CFAP44: variants seen among roughly 807,000 people sequenced by gnomAD.
CFAP44 encodes cilia and flagella associated protein 44, also known as cilia- and flagella-associated protein 44.
Under a neutral mutation model 216.2 loss-of-function variants are expected in CFAP44, and 134 were observed. That is an observed-to-expected ratio of 0.62 (90% CI 0.54 to 0.72). CFAP44 has a LOEUF of 0.72. Among genes scored for constraint, CFAP44 ranks in the 30% least tolerant of loss-of-function variants. The pLI is 0.00. For missense variants in CFAP44, 2,035 were observed against 2,182.1 expected (o/e 0.93, Z 1.34); for synonymous variants, 700 against 727.6 (o/e 0.96, Z 0.61).
chr3:113,310,640 C>G (rs1950028846), intron 28 of CFAP44, among the ~76,000 whole-genome samples: 6 of 152,200 alleles, frequency 3.9e-5, no homozygotes, highest in Admixed American at 3.9e-4. Flanking sequence ...GATCTGTGTT[C>G]CCACCAAATC....
chr3:113,407,067 T>C (rs1428350420), intron 7 of CFAP44, 26 bp from the exon 8 acceptor site: 27 of 1,513,418 alleles, frequency 1.8e-5, no homozygotes, highest in Non-Finnish European at 2.5e-5. Flanking sequence ...AGACTGAATG[T>C]ACCTCAAAGA....
chr3:113,382,792 T>C (rs1576582132), intron 15 of CFAP44, among the ~76,000 whole-genome samples: 1 of 152,148 alleles, frequency 6.6e-6, no homozygotes, highest in Non-Finnish European at 1.5e-5. Flanking sequence ...CATTTGGTAG[T>C]GGGAAATGAA....
At chr3:113,309,072 T>C (rs773989571) in intron 28 of CFAP44, among the ~76,000 whole-genome samples, 1 of 152,210 alleles carries the variant, frequency 6.6e-6, no homozygotes, top group Non-Finnish European at 1.5e-5. Context: ...ACTCTCTCCT[T>C]TGACCCCACT....
chr3:113,324,058 A>AG (rs1331275391), intron 28 of CFAP44, among the ~76,000 whole-genome samples: 5 of 151,506 alleles, frequency 3.3e-5, no homozygotes, highest in South Asian at 2.1e-4. Context: ...AAAAAAAAAA[A>AG]AGAGAGAAAT....
intron 22 of CFAP44, among the ~76,000 whole-genome samples, chr3:113,348,389 G>C (rs1234848940): frequency 6.6e-6 from 1 of 152,076 alleles, no homozygotes; most frequent in Non-Finnish European, 1.5e-5. Flanking sequence ...TCTCTGATGG[G>C]GAAAAATGGC....
At chr3:113,351,361 C>T (rs148490630) in intron 22 of CFAP44, among the ~76,000 whole-genome samples, 4,384 of 152,244 alleles carry the variant, frequency 0.029, 108 homozygotes, top group East Asian at 0.1. Context: ...CAGAGCCATA[C>T]AACTAATACC....
In CFAP44 at chr3:113,330,368, A is replaced by T; in HGVS notation, c.3916T>A (p.Phe1306Ile). The change falls in exon 26 of 35, where the codon TTC (phenylalanine) becomes ATC (isoleucine). Residue 1306 changes from phenylalanine (F) to isoleucine (I), a missense_variant. Physicochemically the swap from Phe to Ile is conservative, Grantham distance 21. This residue lies in a region of CFAP44 where 1,883 missense variants were observed against 2,023.7 expected (regional missense o/e 0.93). Transcript: ENST00000393845. ...QTGSGGPVGGFLKLSSRKDGD... is the reference protein window; with the variant it reads ...QTGSGGPVGGILKLSSRKDGD... The stretch of plus-strand genomic sequence containing the variant: ...TCCTTTCTAGAAGAGAGTTTGAGGA[A>T]TCCTCCAACTGGGCCTCCAGACCCT... The T allele has an allele frequency of 6.5e-7, 1 of 1,537,164 alleles. No homozygotes were observed. Among genetic ancestry groups the T allele is most frequent in the Middle Eastern group, 1.7e-4 (1 of 5,990 alleles).
At chr3:113,296,308 G>C (rs1949880048) in intron 33 of CFAP44, among the ~76,000 whole-genome samples, 1 of 151,946 alleles carries the variant, frequency 6.6e-6, no homozygotes, top group Non-Finnish European at 1.5e-5. Context: ...CATTTTCTTT[G>C]CCCGACTGGT....
At chr3:113,403,731 C>A in intron 9 of CFAP44, 121 bp downstream of exon 9, 2 of 1,072,954 alleles carry the variant, frequency 1.9e-6, no homozygotes, top group Admixed American at 2.9e-5. Context: ...AGTGAGTTGG[C>A]CTTGGGAGTA....
intron 1 of CFAP44, 120 bp from the exon 2 acceptor site, chr3:113,433,789 C>T: frequency 2.6e-6 from 2 of 766,446 alleles, no homozygotes; most frequent in South Asian, 1.7e-5. Context: ...CTTGTTTGCA[C>T]AGGATCCAGG....
At position 113,341,754 on chromosome 3, in the gene CFAP44, A is replaced by G. The variant is rs1258532601; in HGVS notation, c.3427T>C (p.Trp1143Arg). 6.7e-7 allele frequency: 1 copy of G among 1,485,798 alleles called. No individual in the cohort carries two copies. Among genetic ancestry groups the G allele is most frequent in the Non-Finnish European group, 8.8e-7 (1 of 1,130,316 alleles). The allele number at this position is 1,485,798 out of a possible 1,614,324, so 92.0% of individuals were successfully genotyped here. ...QLKIQQRKKE[W>R]EELYKSKPGD... is the part of the protein sequence containing the mutation. ...TAAAAAAAAACTCACAGTTCCTCCC[A>G]TTCTTTTTTTCGCTGTTGAATCTTT... Residue 1143 changes from tryptophan (W) to arginine (R), a missense_variant, in exon 24 of 35, where the codon TGG becomes CGG. By Grantham distance (101) the Trp-to-Arg change is moderately radical (BLOSUM62 -3). This residue lies in a region of CFAP44 where 1,883 missense variants were observed against 2,023.7 expected (regional missense o/e 0.93). Transcript: ENST00000393845.
At chr3:113,312,827 C>T (rs1156467870) in intron 28 of CFAP44, among the ~76,000 whole-genome samples, 2 of 152,136 alleles carry the variant, frequency 1.3e-5, no homozygotes, top group Non-Finnish European at 2.9e-5. Context: ...TGTGAGTGCA[C>T]AGAAGTCAAG....
intron 33 of CFAP44, 54 bp from the exon 34 acceptor site, chr3:113,294,875 G>A: frequency 1.4e-6 from 2 of 1,472,162 alleles, no homozygotes; most frequent in Admixed American, 2.6e-5. Flanking sequence ...AAGAAAGAAA[G>A]AAAAATGAGT....
chr3:113,293,490 T>C (rs1231254751), intron 34 of CFAP44, among the ~76,000 whole-genome samples: 1 of 152,216 alleles, frequency 6.6e-6, no homozygotes. Flanking sequence ...AAACATATAC[T>C]GTGTAAAGAG....
At chr3:113,420,321 A>AT in intron 4 of CFAP44, 142 bp from the exon 5 acceptor site, 1 of 818,724 alleles carries the variant, frequency 1.2e-6, no homozygotes, top group Non-Finnish European at 1.7e-6. Flanking sequence ...GAAACTCATG[A>AT]TTTTTCTACA....
At chr3:113,333,966 T>C (rs1950261412) in intron 24 of CFAP44, among the ~76,000 whole-genome samples, 1 of 151,994 alleles carries the variant, frequency 6.6e-6, no homozygotes, top group African/African-American at 2.4e-5. Flanking sequence ...TTTTTTTTTT[T>C]TTTTTGAGAC....
chr3:113,301,276 ATATATTATT>A (rs1223641004), intron 32 of CFAP44, among the ~76,000 whole-genome samples: 1 of 152,170 alleles, frequency 6.6e-6, no homozygotes, highest in East Asian at 1.9e-4. Flanking sequence ...TTCTAAAGCA[ATATATTATT>A]TAGAAGTACA....
chr3:113,352,634 T>C (rs76729997), intron 22 of CFAP44, among the ~76,000 whole-genome samples: 3,816 of 152,120 alleles, frequency 0.025, 58 homozygotes, highest in East Asian at 0.052. Context: ...AAGGCAAATA[T>C]CTGTAATATA....
At chr3:113,391,596 A>G (rs1286073770) in intron 15 of CFAP44, among the ~76,000 whole-genome samples, 3 of 152,166 alleles carry the variant, frequency 2.0e-5, no homozygotes, top group Admixed American at 6.5e-5. Flanking sequence ...AATTCTCTAA[A>G]TAAAGTGAAG....
Sources: allele counts gnomAD v4.1 joint callset (sites outside exome capture counted in the v4.1 genomes callset), GRCh38; gene constraint gnomAD v4.1.1; regional missense constraint gnomAD v4.1.1; transcripts MANE v1.5; gene names NCBI Gene and HGNC (gene_info 2026-07-23, HGNC 2026-07-21).